SCRG1: variants seen among roughly 807,000 people sequenced by gnomAD.
SCRG1 encodes stimulator of chondrogenesis 1.
SCRG1 carries 3 observed loss-of-function variants against 7.7 expected under a neutral mutation model. The ratio of observed to expected loss-of-function variants is 0.39; its 90% CI spans 0.18 to 1.01. SCRG1 has a LOEUF of 1.01. Among genes scored for constraint, SCRG1 ranks in the 50% least tolerant of loss-of-function variants. SCRG1 has a pLI of 0.36. For missense variants in SCRG1, 110 were observed against 117.2 expected, an observed-to-expected ratio of 0.94 and a Z score of 0.28; for synonymous variants, 46 against 41.2, an observed-to-expected ratio of 1.12 and a Z score of -0.44.
chr4:173,506,558 T>C, the SCRG1 span, among the ~76,000 whole-genome samples: 2 of 152,232 alleles, frequency 1.3e-5, no homozygotes, highest in Non-Finnish European at 2.9e-5. This position sits in a 1 kb window ranked among gnomAD's most constrained non-coding sequence, Gnocchi z 5.3. Context: ...GCCTGTAAAA[T>C]GCCTTCGCAC....
chr4:173,398,846 C>T (rs1739674922), intron 1 of SCRG1, among the ~76,000 whole-genome samples: 1 of 152,130 alleles, frequency 6.6e-6, no homozygotes, highest in African/African-American at 2.4e-5. Context: ...AAATGACTTT[C>T]CTAGTCAAGA....
the SCRG1 span, among the ~76,000 whole-genome samples, chr4:173,434,822 C>A: frequency 2.0e-5 from 3 of 152,138 alleles, no homozygotes; most frequent in African/African-American, 7.2e-5. Flanking sequence ...CAGAGTGAGA[C>A]TCCGTCTCTA....
the SCRG1 span, among the ~76,000 whole-genome samples, chr4:173,482,407 G>C: frequency 6.6e-6 from 1 of 152,082 alleles, no homozygotes; most frequent in African/African-American, 2.4e-5. Flanking sequence ...GGGAAGTGTG[G>C]TAAATTAGAT....
At chr4:173,443,374 G>C in the SCRG1 span, among the ~76,000 whole-genome samples, 1 of 152,142 alleles carries the variant, frequency 6.6e-6, no homozygotes, top group South Asian at 2.1e-4. Context: ...GAAAGCCTGG[G>C]GGAAAACAGG....
At chr4:173,406,893 C>A (rs934179274), upstream of SCRG1, among the ~76,000 whole-genome samples, 1 of 152,054 alleles carries the variant, frequency 6.6e-6, no homozygotes, top group Admixed American at 6.6e-5. Context: ...ATCTTGGTTG[C>A]GTACAGTTTT....
At chr4:173,466,216 A>G in the SCRG1 span, among the ~76,000 whole-genome samples, 1 of 152,154 alleles carries the variant, frequency 6.6e-6, no homozygotes, top group Non-Finnish European at 1.5e-5. Context: ...TAAGCAATGC[A>G]CTCAAAGGGA....
In SCRG1 at chr4:173,390,253, C is replaced by T. The variant is rs143982874; in HGVS notation, c.242+920G>A. Among the ~76,000 whole-genome samples the T allele has an allele frequency of 9.3e-3, 1,418 of 151,970 alleles. 8 individuals are homozygous for T. The highest frequency in any genetic ancestry group is 0.02 in the Middle Eastern group (6 of 294). On this transcript the variant is annotated intron_variant, in intron 2 of 2. Transcript: ENST00000296506. ...TAGAGACAGAGTTTCACCACGTATACTTGTATTTTAAGTACAAAACGATAG... is the reference window on the plus strand; with the variant it reads ...TAGAGACAGAGTTTCACCACGTATATTTGTATTTTAAGTACAAAACGATAG...
At chr4:173,396,895 A>G (rs1739621340) in intron 1 of SCRG1, among the ~76,000 whole-genome samples, 1 of 151,922 alleles carries the variant, frequency 6.6e-6, no homozygotes, top group African/African-American at 2.4e-5. Flanking sequence ...TCTACTAAAA[A>G]TACAAAAATT....
chr4:173,483,760 C>T, the SCRG1 span, among the ~76,000 whole-genome samples: 2 of 15,252 alleles, frequency 1.3e-4, 1 homozygote, highest in Non-Finnish European at 2.6e-4. Flanking sequence ...TGTGATATAT[C>T]ATATATATGA....
chr4:173,471,275 T>C, the SCRG1 span, among the ~76,000 whole-genome samples: 1 of 152,166 alleles, frequency 6.6e-6, no homozygotes, highest in African/African-American at 2.4e-5. Context: ...GAGAAAACAA[T>C]GCAGTTTTGG....
the SCRG1 span, among the ~76,000 whole-genome samples, chr4:173,484,345 T>C: frequency 1.4e-5 from 1 of 70,472 alleles, no homozygotes; most frequent in Non-Finnish European, 2.5e-5. Flanking sequence ...TAACATATTA[T>C]ATAATATATA....
the SCRG1 span, among the ~76,000 whole-genome samples, chr4:173,491,669 T>C: frequency 6.6e-6 from 1 of 152,186 alleles, no homozygotes; most frequent in Non-Finnish European, 1.5e-5. Flanking sequence ...ACTGTAATGT[T>C]GCAGAGGAGA....
chr4:173,425,523 C>G, the SCRG1 span, among the ~76,000 whole-genome samples: 1 of 152,206 alleles, frequency 6.6e-6, no homozygotes, highest in African/African-American at 2.4e-5. Context: ...TGGATCTCTT[C>G]CTGTGTTCCC....
the SCRG1 span, chr4:173,468,136 A>G: frequency 1.3e-5 from 2 of 152,608 alleles, no homozygotes; most frequent in East Asian, 3.9e-4. Context: ...GACCACATAT[A>G]CAACGGTGGT....
upstream of SCRG1, among the ~76,000 whole-genome samples, chr4:173,410,287 A>T (rs1740011458): frequency 6.6e-6 from 1 of 152,226 alleles, no homozygotes; most frequent in Non-Finnish European, 1.5e-5. Context: ...TTTAGGGAAC[A>T]GTGGCTGATT....
At chr4:173,489,488 A>G in the SCRG1 span, among the ~76,000 whole-genome samples, 39 of 150,298 alleles carry the variant, frequency 2.6e-4, 1 homozygote, top group Non-Finnish European at 5.1e-4. Flanking sequence ...TAGTTCAGGA[A>G]AAAACATATG....
chr4:173,496,048 C>T, the SCRG1 span, among the ~76,000 whole-genome samples: 15 of 151,868 alleles, frequency 9.9e-5, no homozygotes, highest in Admixed American at 8.5e-4. Context: ...GCAAAAGAAA[C>T]GAGAGTATTC....
chr4:173,516,797 T>C, the SCRG1 span, among the ~76,000 whole-genome samples: 3 of 152,200 alleles, frequency 2.0e-5, no homozygotes, highest in African/African-American at 7.2e-5. Flanking sequence ...CGCACCGGGT[T>C]CCGACTCCAC....
chr4:173,503,751 T>C, the SCRG1 span, among the ~76,000 whole-genome samples: 1 of 152,148 alleles, frequency 6.6e-6, no homozygotes, highest in African/African-American at 2.4e-5. The surrounding 1 kb of genome is among the most constrained non-coding windows in gnomAD (Gnocchi z 6.4). Context: ...CTTTAAGCAC[T>C]TGCCACTCAG....
Sources: allele counts gnomAD v4.1 joint callset (sites outside exome capture counted in the v4.1 genomes callset), GRCh38; gene constraint gnomAD v4.1.1; non-coding constraint Gnocchi (gnomAD v3.1); transcripts MANE v1.5; gene names NCBI Gene and HGNC (gene_info 2026-07-23, HGNC 2026-07-21).